Variants in CNTNAP5 observed in about 807,000 individuals in gnomAD.
The protein encoded by CNTNAP5 is contactin associated protein family member 5.
A neutral mutation model predicts 150.2 loss-of-function variants in CNTNAP5; 72 were observed. The observed-to-expected ratio is 0.48, with a 90% CI of 0.40 to 0.58. CNTNAP5 has a LOEUF of 0.58. Ranked by LOEUF, CNTNAP5 falls within the 20% of genes least tolerant of loss-of-function variation. The pLI is 0.00. For synonymous variants in CNTNAP5, 672 were observed against 619.8 expected, an observed-to-expected ratio of 1.08 and a Z score of -1.25; for missense variants, 1,636 against 1,626.2, an observed-to-expected ratio of 1.01 and a Z score of -0.10.
intron 3 of CNTNAP5, among the ~76,000 whole-genome samples, chr2:124,347,394 G>A (rs1302817167): frequency 6.6e-6 from 1 of 152,148 alleles, no homozygotes. Flanking sequence ...TCTTTGTTGA[G>A]TGGCTAACAG....
intron 1 of CNTNAP5, among the ~76,000 whole-genome samples, chr2:124,107,917 G>A (rs1381650270): frequency 1.3e-5 from 2 of 152,194 alleles, no homozygotes; most frequent in Non-Finnish European, 2.9e-5. Context: ...GGGACAACTT[G>A]TAGTGGTTGG....
At chr2:124,382,951 C>A (rs1035107133) in intron 3 of CNTNAP5, among the ~76,000 whole-genome samples, 1 of 151,872 alleles carries the variant, frequency 6.6e-6, no homozygotes, top group African/African-American at 2.4e-5. Flanking sequence ...CTGGCATTTT[C>A]TTGAAATAAA....
chr2:124,626,629 G>C (rs966056471), intron 12 of CNTNAP5, among the ~76,000 whole-genome samples: 1 of 152,016 alleles, frequency 6.6e-6, no homozygotes, highest in African/African-American at 2.4e-5. Context: ...CACAAAACTG[G>C]GTGGCTGTTC....
chr2:124,386,303 T>C (rs1287412800), intron 3 of CNTNAP5, among the ~76,000 whole-genome samples: 1 of 152,238 alleles, frequency 6.6e-6, no homozygotes, highest in East Asian at 1.9e-4. Context: ...ACAGGTTTCC[T>C]ATAAATGAGG....
chr2:124,807,351 C>G (rs191770167), intron 19 of CNTNAP5, among the ~76,000 whole-genome samples: 1 of 152,162 alleles, frequency 6.6e-6, no homozygotes, highest in Non-Finnish European at 1.5e-5. Flanking sequence ...TAGTTTCCAG[C>G]CTTAAGAATC....
chr2:124,920,743 G>T lies in CNTNAP5; in HGVS notation c.*6455G>T, dbSNP rs1250596691. Among the ~76,000 whole-genome samples the T allele has an allele frequency of 6.6e-6, 1 of 152,090 alleles. No homozygotes were observed. The highest frequency in any genetic ancestry group is 6.6e-5 in the Admixed American group (1 of 15,260). The stretch of plus-strand genomic sequence containing the variant: ...TTACAAAATCTAATTTAGTTCATAG[G>T]TTACGGTTTGCTGATTCCTAAGATA... On this transcript the variant is annotated 3_prime_UTR_variant, in exon 24 of 24. Transcript: ENST00000682447.
chr2:124,283,096 G>T (rs1688057018), intron 3 of CNTNAP5, among the ~76,000 whole-genome samples: 1 of 151,012 alleles, frequency 6.6e-6, no homozygotes, highest in Admixed American at 6.6e-5. Context: ...GGATTTGCTT[G>T]CCTAGGCAGG....
chr2:124,871,277 C>T (rs113842099), intron 21 of CNTNAP5, among the ~76,000 whole-genome samples: 19,213 of 135,270 alleles, frequency 0.14, 1,448 homozygotes, highest in Non-Finnish European at 0.17. Flanking sequence ...TACATATTTA[C>T]TTACTTATTT....
At chr2:124,666,861 T>G (rs1172025362) in intron 13 of CNTNAP5, among the ~76,000 whole-genome samples, 1 of 152,202 alleles carries the variant, frequency 6.6e-6, no homozygotes, top group Non-Finnish European at 1.5e-5. Flanking sequence ...TGACCTCTTC[T>G]GCTGCTGCAT....
intron 13 of CNTNAP5, among the ~76,000 whole-genome samples, chr2:124,670,238 T>TTTTC (rs1236198685): frequency 7.2e-6 from 1 of 139,712 alleles, no homozygotes; most frequent in Admixed American, 7.0e-5. Context: ...TCTTTCTTTC[T>TTTTC]TTTCTTTCTT....
In CNTNAP5 at chr2:124,059,201, G is replaced by A. The variant is rs545413880; in HGVS notation, c.82+33469G>A. Among the ~76,000 whole-genome samples the A allele has an allele frequency of 1.1e-4, 16 of 152,072 alleles. No homozygotes were observed. The South Asian group carries it at 2.5e-3, about 24-fold the overall frequency. On this transcript the variant is annotated intron_variant, in intron 1 of 23. Coordinates refer to ENST00000682447, the MANE Select transcript of CNTNAP5 (RefSeq NM_001367498.1). Reference sequence around the variant, plus strand: ...ATTTTCTCTTACTTAGGTAGTAAAAGTTATCCTTAACAGTATTATTAAAAT... The same window carrying A: ...ATTTTCTCTTACTTAGGTAGTAAAAATTATCCTTAACAGTATTATTAAAAT...
intron 3 of CNTNAP5, among the ~76,000 whole-genome samples, chr2:124,408,023 C>A (rs528889547): frequency 1.1e-4 from 16 of 150,200 alleles, no homozygotes; most frequent in Admixed American, 9.9e-4. Context: ...TCAGTGGGTG[C>A]GCGCACCGTA....
chr2:124,321,819 G>A (rs964545202), intron 3 of CNTNAP5, among the ~76,000 whole-genome samples: 1 of 152,106 alleles, frequency 6.6e-6, no homozygotes, highest in African/African-American at 2.4e-5. Flanking sequence ...GTTCTGTTAA[G>A]AGGATTCTAA....
At chr2:124,280,559 G>T (rs1687988119) in intron 3 of CNTNAP5, among the ~76,000 whole-genome samples, 1 of 152,020 alleles carries the variant, frequency 6.6e-6, no homozygotes, top group Non-Finnish European at 1.5e-5. Flanking sequence ...CTGACATTTT[G>T]GTGACAATGG....
rs150771340 is a variant in CNTNAP5 at position 124,417,292 on chromosome 2, G to A, written c.382-151G>A. 2.5e-4 allele frequency: 191 copies of A among 763,988 alleles called. No homozygotes were observed. In the East Asian group the frequency reaches 4.9e-3, roughly 20 times the overall value. 47.3% of individuals were successfully genotyped at this position (763,988 alleles called of 1,614,324 possible). On this transcript the variant is annotated intron_variant, in intron 3 of 23. Transcript: ENST00000682447. ...AGTATTTCTGAAAACAAACAAACAT[G>A]ATGCAGGATTTTCACCCAAGTCATA...
At chr2:124,517,449 ATG>A in intron 8 of CNTNAP5, among the ~76,000 whole-genome samples, 1 of 149,526 alleles carries the variant, frequency 6.7e-6, no homozygotes. Flanking sequence ...GGTGTTGGTA[ATG>A]GAAGGTTGTG....
chr2:124,239,260 T>A (rs779993), intron 2 of CNTNAP5, among the ~76,000 whole-genome samples: 28,299 of 152,072 alleles, frequency 0.19, 2,966 homozygotes, highest in East Asian at 0.35. Context: ...CTTTGCAAGC[T>A]AAATTTCTTG....
At chr2:124,031,042 T>C (rs1295974901) in intron 1 of CNTNAP5, among the ~76,000 whole-genome samples, 1 of 151,946 alleles carries the variant, frequency 6.6e-6, no homozygotes, top group Non-Finnish European at 1.5e-5. Context: ...AAACAAGCTA[T>C]GTTGTTTCAA....
chr2:124,504,345 C>T lies in CNTNAP5; in HGVS notation c.1116C>T (p.Val372=). The part of the protein sequence containing the change: ...SEPQIVPITF[V]NSSGSYLLLP... Reference sequence around the variant, plus strand: ...CACAGATTGTGCCCATCACATTTGTCAACTCCAGCGGCAGCTATTTGCTGC... The same window carrying T: ...CACAGATTGTGCCCATCACATTTGTTAACTCCAGCGGCAGCTATTTGCTGC... Residue 372 remains valine, a synonymous_variant, in exon 8 of 24, where the codon GTC becomes GTT. Coordinates refer to ENST00000682447, the MANE Select transcript of CNTNAP5 (RefSeq NM_001367498.1). 6.2e-7 allele frequency: 1 copy of T among 1,613,892 alleles called. No individual in the cohort carries two copies. Among genetic ancestry groups the T allele is most frequent in the Non-Finnish European group, 8.5e-7 (1 of 1,179,842 alleles).
Sources: gnomAD v4.1 joint callset for allele counts (sites outside exome capture counted in the v4.1 genomes callset) on GRCh38, gnomAD v4.1.1 for gene constraint, MANE v1.5 for transcripts, NCBI Gene and HGNC (gene_info 2026-07-23, HGNC 2026-07-21) for gene names.